DIXDC1: variants seen among roughly 807,000 people sequenced by gnomAD.
The protein encoded by DIXDC1 is DIX domain containing 1, also known as dixin.
Under a neutral mutation model 103.1 loss-of-function variants are expected in DIXDC1, and 64 were observed. The ratio of observed to expected loss-of-function variants is 0.62; its 90% CI spans 0.51 to 0.76. The LOEUF is 0.76. DIXDC1 is among the 30% of genes least tolerant of loss of function. The pLI is 0.00. For missense variants in DIXDC1, 759 were observed against 834.2 expected (o/e 0.91, Z 1.11); for synonymous variants, 266 against 298.5 (o/e 0.89, Z 1.12).
At chr11:112,015,121 G>C in intron 17 of DIXDC1, among the ~76,000 whole-genome samples, 1 of 152,094 alleles carries the variant, frequency 6.6e-6, no homozygotes, top group East Asian at 1.9e-4. Flanking sequence ...CTGAGCTCAG[G>C]CAATCCGCCC....
chr11:112,002,939 A>G (rs989415634), intron 17 of DIXDC1, among the ~76,000 whole-genome samples: 11 of 152,248 alleles, frequency 7.2e-5, no homozygotes, highest in Admixed American at 3.3e-4. Context: ...TTTTGCAGCA[A>G]CATGGATGGA....
chr11:112,013,332 T>TGGG (rs1227115079), intron 17 of DIXDC1, among the ~76,000 whole-genome samples: 2 of 28,160 alleles, frequency 7.1e-5, no homozygotes. Flanking sequence ...GGGGGTGGGG[T>TGGG]GGGGGGGGGG....
At chr11:111,975,336 C>T in intron 5 of DIXDC1, 1 of 1,105,874 alleles carries the variant, frequency 9.0e-7, no homozygotes, top group Non-Finnish European at 1.1e-6. Context: ...TTGTGCTGTC[C>T]TTGAGCCTAA....
intron 10 of DIXDC1, among the ~76,000 whole-genome samples, chr11:111,990,144 G>A (rs1860655133): frequency 6.8e-6 from 1 of 146,310 alleles, no homozygotes; most frequent in Non-Finnish European, 1.5e-5. Context: ...AAGCTGGAGT[G>A]CAGTGGCGTG....
chr11:111,933,823 G>A (rs782342582), upstream of DIXDC1, among the ~76,000 whole-genome samples: 1 of 150,888 alleles, frequency 6.6e-6, no homozygotes, highest in African/African-American at 2.4e-5. Flanking sequence ...CATAATAGTT[G>A]TGTTACATTT....
At chr11:111,954,330 TC>T (rs1555170364) in intron 1 of DIXDC1, among the ~76,000 whole-genome samples, 1 of 152,072 alleles carries the variant, frequency 6.6e-6, no homozygotes, top group Admixed American at 6.6e-5. Flanking sequence ...GAGAATCTAA[TC>T]CCACCGCTGA....
At chr11:111,948,318 CA>C (rs1966665608) in intron 1 of DIXDC1, among the ~76,000 whole-genome samples, 2 of 152,190 alleles carry the variant, frequency 1.3e-5, no homozygotes, top group African/African-American at 4.8e-5. Context: ...TTCATTCCAT[CA>C]AGTTCTCCTT....
rs749002355 is a variant in DIXDC1, at chr11:111,993,493, C to T, written c.1273-3C>T. 4 of 1,613,910 alleles carry T rather than the reference C, an allele frequency of 2.5e-6. No homozygotes were observed. Among genetic ancestry groups the T allele is most frequent in the Non-Finnish European group, 3.4e-6 (4 of 1,179,846 alleles). On this transcript the variant is annotated splice_polypyrimidine_tract_variant and splice_region_variant and intron_variant, in intron 12 of 19. Coordinates refer to ENST00000440460, the MANE Select transcript of DIXDC1 (RefSeq NM_001037954.4). The stretch of plus-strand genomic sequence containing the variant: ...TCATCTTAAAGCTCTATCTTTATTG[C>T]AGAAAGAGCTGGGGCAGAAGGATCG...
chr11:111,995,408 C>T lies in DIXDC1; in HGVS notation c.1533C>T (p.Ser511=), dbSNP rs910096872. The T allele has an allele frequency of 2.5e-6, 4 of 1,611,766 alleles. No individual in the cohort carries two copies. Among genetic ancestry groups the T allele is most frequent in the Non-Finnish European group, 3.4e-6 (4 of 1,179,898 alleles). The change falls in exon 16 of 20, where the codon AGC becomes AGT. Residue 511 remains serine (S), a synonymous_variant. Transcript: ENST00000440460. ...CACCTTATTTTTGCCCACAGACCAG[C>T]GACCTGCAGCTTGTTCGAGATGCTC... is the stretch of plus-strand genomic sequence containing the variant. ...GATSVSNRGT[S]DLQLVRDALR...
rs1291139145 is a variant in DIXDC1 at position 111,937,803 on chromosome 11, G to A, written c.60+244G>A. Among the ~76,000 whole-genome samples the A allele has an allele frequency of 5.3e-5, 8 of 152,324 alleles. No homozygotes were observed. In the South Asian group the frequency reaches 1.7e-3, roughly 32 times the overall value. ...CCTGGTAGCTTACCTGAGCCCAAGA[G>A]GACAGGACCACAAATTCAGAAATCA... is the stretch of plus-strand genomic sequence containing the variant. On this transcript the variant is annotated intron_variant, in intron 1 of 19. Coordinates refer to ENST00000440460, the MANE Select transcript of DIXDC1 (RefSeq NM_001037954.4).
intron 1 of DIXDC1, among the ~76,000 whole-genome samples, chr11:111,962,902 C>T (rs1859626880): frequency 6.6e-6 from 1 of 152,154 alleles, no homozygotes; most frequent in Admixed American, 6.6e-5. Flanking sequence ...GGGAGCAGAC[C>T]TTGGAGCATC....
At position 111,995,290 on chromosome 11, in the gene DIXDC1, C is replaced by T. The variant is rs587604108; in HGVS notation, c.1528-113C>T. On this transcript the variant is annotated intron_variant, in intron 15 of 19. Coordinates refer to ENST00000440460, the MANE Select transcript of DIXDC1 (RefSeq NM_001037954.4). The stretch of plus-strand genomic sequence containing the variant: ...TAAGAATTAGTGGGCAAACCATAGG[C>T]CTGCTTCTGTGGGGGAAAAATCTTC... 12 of 1,440,422 alleles carry T rather than the reference C, an allele frequency of 8.3e-6. No individual in the cohort carries two copies. In the South Asian group the frequency reaches 1.0e-4, roughly 12 times the overall value. 89.2% of individuals were successfully genotyped at this position (1,440,422 alleles called of 1,614,324 possible). A position where few individuals can be genotyped will look rare whatever the true frequency, so the allele number is the denominator to read the frequency against.
chr11:111,974,030 G>A lies in DIXDC1; in HGVS notation c.324G>A (p.Val108=). The change falls in exon 4 of 20, where the codon GTG becomes GTA. Residue 108 remains valine, a synonymous_variant. Transcript: ENST00000440460. ...RMHQTSAKDI[V]DGNLKSIMRL... ...GTCCGTTTTATCCTTCAGATATTGT[G>A]GATGGAAACCTGAAGTCTATCATGA... is the stretch of plus-strand genomic sequence containing the variant. 1.2e-6 allele frequency: 2 copies of A among 1,613,784 alleles called. No homozygotes were observed. Among genetic ancestry groups the A allele is most frequent in the Non-Finnish European group, 1.7e-6 (2 of 1,179,852 alleles).
intron 7 of DIXDC1, among the ~76,000 whole-genome samples, chr11:111,983,791 T>A (rs1256243466): frequency 1.3e-5 from 2 of 150,770 alleles, no homozygotes; most frequent in African/African-American, 2.4e-5. Context: ...AACAGAAGAG[T>A]TTTAATTCAC....
At chr11:111,964,166 G>A (rs781852167) in intron 1 of DIXDC1, among the ~76,000 whole-genome samples, 2 of 152,182 alleles carry the variant, frequency 1.3e-5, no homozygotes, top group African/African-American at 4.8e-5. Context: ...TGAGAAGTGC[G>A]GTGGGTTGCT....
chr11:111,949,437 C>T (rs763885249), intron 1 of DIXDC1, among the ~76,000 whole-genome samples: 14 of 152,228 alleles, frequency 9.2e-5, no homozygotes, highest in Non-Finnish European at 1.8e-4. Flanking sequence ...TTGTCGCTCC[C>T]TACATCCTAT....
exon 2 of DIXDC1, chr11:111,929,839 T>C: frequency 6.5e-7 from 1 of 1,532,756 alleles, no homozygotes; most frequent in Non-Finnish European, 8.7e-7. Context: ...TCGTCTCTTC[T>C]AGGGACTCTT....
In DIXDC1 at chr11:111,952,212, C is replaced by T. The variant is rs781975040; in HGVS notation, c.61-12337C>T. Among the ~76,000 whole-genome samples, 6 of 152,192 alleles carry T rather than the reference C, an allele frequency of 3.9e-5. No individual in the cohort carries two copies. In the East Asian group the frequency reaches 5.8e-4, roughly 15 times the overall value. Reference sequence around the variant, plus strand: ...GTCTCGGGTATGTCTTTATCAGCAGCGTGAACACAGACTAATACAATGTTC... The same window carrying T: ...GTCTCGGGTATGTCTTTATCAGCAGTGTGAACACAGACTAATACAATGTTC... On this transcript the variant is annotated intron_variant, in intron 1 of 19. Transcript: ENST00000440460.
intron 3 of DIXDC1, among the ~76,000 whole-genome samples, chr11:111,969,617 T>C (rs1555171884): frequency 1.3e-5 from 2 of 152,208 alleles, no homozygotes; most frequent in Non-Finnish European, 2.9e-5. Flanking sequence ...ATAGGCTCCC[T>C]AGTTCTCTTG....
Sources: gnomAD v4.1 joint callset for allele counts (sites outside exome capture counted in the v4.1 genomes callset) on GRCh38, gnomAD v4.1.1 for gene constraint, MANE v1.5 for transcripts, NCBI Gene and HGNC (gene_info 2026-07-23, HGNC 2026-07-21) for gene names.